The following SCN9A variants were observed in gnomAD, a reference collection of about 807,000 sequenced individuals.
The protein encoded by SCN9A is sodium voltage-gated channel alpha subunit 9, also known as sodium channel protein type 9 subunit alpha.
A neutral mutation model predicts 187.0 loss-of-function variants in SCN9A; 131 were observed. The observed-to-expected ratio is 0.70, with a 90% CI of 0.61 to 0.81. SCN9A has a LOEUF of 0.81. SCN9A is among the 30% of genes least tolerant of loss of function. The pLI is 0.00. For missense variants in SCN9A, 2,252 were observed against 2,396.6 expected (o/e 0.94, Z 1.26); for synonymous variants, 809 against 808.6 (o/e 1.00, Z -0.01).
At chr2:166,211,394 G>A (rs929774170) in intron 24 of SCN9A, among the ~76,000 whole-genome samples, 30 of 152,210 alleles carry the variant, frequency 2.0e-4, no homozygotes, top group African/African-American at 7.0e-4. Flanking sequence ...AAATGCTAAA[G>A]TGAGTTCTTC....
At chr2:166,263,590 A>G (rs994909193) in intron 17 of SCN9A, among the ~76,000 whole-genome samples, 2 of 151,980 alleles carry the variant, frequency 1.3e-5, no homozygotes, top group African/African-American at 2.4e-5. Flanking sequence ...ATCAATAACC[A>G]TCTAGTCTTC....
rs182512669 is a variant in SCN9A at position 166,308,110 on chromosome 2, A to T, written c.259-1036T>A. 1.4e-3 allele frequency among the ~76,000 whole-genome samples: 214 copies of T among 152,220 alleles called. 1 individual carries two copies. The highest frequency in any genetic ancestry group is 5.0e-3 in the African/African-American group (209 of 41,522). On this transcript the variant is annotated intron_variant, in intron 2 of 26. Coordinates refer to ENST00000642356, the MANE Select transcript of SCN9A (RefSeq NM_001365536.1). ...TCCTTTTATTTTCCTGCTCCCTTTC[A>T]CTGTATCAGTTCTATCTAAATACAA... is the stretch of plus-strand genomic sequence containing the variant.
At position 166,201,401 on chromosome 2, in the gene SCN9A, C is replaced by T. The variant is rs114005355; in HGVS notation, c.4775-1537G>A. Among the ~76,000 whole-genome samples the T allele has an allele frequency of 2.1e-3, 306 of 145,852 alleles. 1 individual carries two copies. Among genetic ancestry groups the T allele is most frequent in the African/African-American group, 6.4e-3 (258 of 40,018 alleles). ...CTATATAGCATATAGTATGCATATACGCTATATAGCATATAGTATGCATAT... is the reference window on the plus strand; with the variant it reads ...CTATATAGCATATAGTATGCATATATGCTATATAGCATATAGTATGCATAT... On this transcript the variant is annotated intron_variant, in intron 26 of 26. Transcript: ENST00000642356.
At chr2:166,222,978 A>AG (rs1694686806) in intron 24 of SCN9A, among the ~76,000 whole-genome samples, 1 of 126,372 alleles carries the variant, frequency 7.9e-6, no homozygotes, top group East Asian at 2.5e-4. Flanking sequence ...AAAAACAGCA[A>AG]CAAAAAACCG....
intron 5 of SCN9A, 46 bp from the exon 6 acceptor site, chr2:166,304,375 G>A: frequency 6.6e-7 from 1 of 1,514,502 alleles, no homozygotes; most frequent in Non-Finnish European, 9.1e-7. Flanking sequence ...TAGAGTCTAT[G>A]ATACTTACCT....
At chr2:166,283,346 AAT>A (rs1409093352) in intron 12 of SCN9A, among the ~76,000 whole-genome samples, 1 of 152,204 alleles carries the variant, frequency 6.6e-6, no homozygotes, top group Non-Finnish European at 1.5e-5. Flanking sequence ...TTCAAATTGA[AAT>A]ATATGTGTGG....
chr2:166,239,441 C>G (rs1695470093), intron 19 of SCN9A, among the ~76,000 whole-genome samples: 1 of 152,094 alleles, frequency 6.6e-6, no homozygotes, highest in African/African-American at 2.4e-5. Flanking sequence ...ATTCTACGTT[C>G]TGCTTTCAAT....
At chr2:166,243,173 T>G (rs1431478828) in intron 18 of SCN9A, among the ~76,000 whole-genome samples, 1 of 152,142 alleles carries the variant, frequency 6.6e-6, no homozygotes, top group Non-Finnish European at 1.5e-5. Flanking sequence ...CAGATGAAAC[T>G]GTTTCAAGTA....
chr2:166,291,380 A>G (rs1053070605), intron 9 of SCN9A, among the ~76,000 whole-genome samples: 4 of 152,070 alleles, frequency 2.6e-5, no homozygotes, highest in African/African-American at 9.7e-5. Flanking sequence ...AGGATATGAA[A>G]GACCTCTTCA....
intron 12 of SCN9A, 60 bp from the exon 13 acceptor site, chr2:166,281,868 A>G (rs879835577): frequency 8.6e-6 from 13 of 1,505,034 alleles, no homozygotes; most frequent in Non-Finnish European, 1.2e-5. Context: ...TAGGTATAAG[A>G]TAAAATCTTG....
At chr2:166,222,942 C>CAAAAAAA (rs1558960810) in intron 24 of SCN9A, among the ~76,000 whole-genome samples, 2 of 55,294 alleles carry the variant, frequency 3.6e-5, no homozygotes, top group African/African-American at 1.6e-4. Flanking sequence ...AAAAAAAAAA[C>CAAAAAAA]AACAAAAAAA....
At chr2:166,276,789 G>C (rs969994734) in intron 16 of SCN9A, 194 bp downstream of exon 16, 44 of 380,522 alleles carry the variant, frequency 1.2e-4, no homozygotes, top group Non-Finnish European at 1.8e-4. Context: ...TATAAATATG[G>C]GTTATTTGGC....
intron 1 of SCN9A, among the ~76,000 whole-genome samples, chr2:166,360,245 A>G (rs977663477): frequency 4.0e-5 from 6 of 149,564 alleles, no homozygotes; most frequent in South Asian, 2.1e-4. Context: ...AGAAAAAAAA[A>G]AAAAGAAATT....
intron 1 of SCN9A, among the ~76,000 whole-genome samples, chr2:166,356,509 A>G (rs572982359): frequency 1.4e-4 from 22 of 152,280 alleles, no homozygotes; most frequent in Admixed American, 3.3e-4. Flanking sequence ...CATAAATAGC[A>G]TTCTTATATT....
intron 1 of SCN9A, among the ~76,000 whole-genome samples, chr2:166,314,708 C>G (rs944560033): frequency 1.3e-5 from 2 of 152,170 alleles, no homozygotes; most frequent in Admixed American, 1.3e-4. Flanking sequence ...CAAAAGGCCA[C>G]ATACGATATG....
In SCN9A at chr2:166,280,356, C is replaced by G; in HGVS notation, c.2343+1G>C. The G allele has an allele frequency of 6.6e-7, 1 of 1,516,392 alleles. No individual in the cohort carries two copies. The highest frequency in any genetic ancestry group is 9.0e-7 in the Non-Finnish European group (1 of 1,109,032). The allele number at this position is 1,516,392 out of a possible 1,614,324, so 93.9% of individuals were successfully genotyped here. A position where few individuals can be genotyped will look rare whatever the true frequency, so the allele number is the denominator to read the frequency against. ...TACATAACACACAATAAGAGACTTA[C>G]CAAATTTCCTATAGCAAGTACATTT... On this transcript the variant is annotated splice_donor_variant, in intron 14 of 26. Coordinates refer to ENST00000642356, the MANE Select transcript of SCN9A (RefSeq NM_001365536.1). LOFTEE classifies it high-confidence loss of function.
intron 1 of SCN9A, among the ~76,000 whole-genome samples, chr2:166,344,667 A>G (rs185498433): frequency 6.6e-6 from 1 of 152,260 alleles, no homozygotes; most frequent in East Asian, 1.9e-4. Context: ...CAAATAATCT[A>G]ATTTGTTTTG....
chr2:166,371,077 T>A (rs1211410236), intron 1 of SCN9A, among the ~76,000 whole-genome samples: 1 of 152,166 alleles, frequency 6.6e-6, no homozygotes, highest in African/African-American at 2.4e-5. Flanking sequence ...AAATTACAGT[T>A]AAAGTAACGT....
chr2:166,264,521 A>C (rs1696650472), intron 17 of SCN9A, among the ~76,000 whole-genome samples: 1 of 151,912 alleles, frequency 6.6e-6, no homozygotes, highest in Non-Finnish European at 1.5e-5. Flanking sequence ...TTTCCTCAGA[A>C]CTGTTTAAGA....
Sources: allele counts gnomAD v4.1 joint callset (sites outside exome capture counted in the v4.1 genomes callset), GRCh38; gene constraint gnomAD v4.1.1; transcripts MANE v1.5; gene names NCBI Gene and HGNC (gene_info 2026-07-23, HGNC 2026-07-21).